ATP8B4: variants seen among roughly 807,000 people sequenced by gnomAD.
ATP8B4 encodes the protein ATPase phospholipid transporting 8B4 (putative).
A neutral mutation model predicts 145.6 loss-of-function variants in ATP8B4; 133 were observed. The ratio of observed to expected loss-of-function variants is 0.91; its 90% CI spans 0.79 to 1.05. The LOEUF is 1.05. ATP8B4 is among the 50% of genes least tolerant of loss of function. ATP8B4 has a pLI of 0.00. For missense variants in ATP8B4, 1,458 were observed against 1,425.2 expected (o/e 1.02, Z -0.37); for synonymous variants, 507 against 492.9 (o/e 1.03, Z -0.38).
At chr15:49,888,186 C>T (rs769521974) in intron 23 of ATP8B4, among the ~76,000 whole-genome samples, 4 of 152,220 alleles carry the variant, frequency 2.6e-5, no homozygotes, top group Non-Finnish European at 5.9e-5. Flanking sequence ...CAGGCCTGAG[C>T]ACTCGTCCAG....
intron 27 of ATP8B4, among the ~76,000 whole-genome samples, chr15:49,861,577 T>C (rs754578334): frequency 6.6e-6 from 1 of 152,196 alleles, no homozygotes; most frequent in Non-Finnish European, 1.5e-5. Flanking sequence ...GACATGGCTA[T>C]GAATGTTTGT....
intron 16 of ATP8B4, among the ~76,000 whole-genome samples, chr15:49,928,813 T>C (rs1177172400): frequency 1.3e-5 from 2 of 151,996 alleles, no homozygotes; most frequent in Non-Finnish European, 2.9e-5. Flanking sequence ...AGGGTGACAA[T>C]AGAATATTCT....
Position 50,024,528 on chromosome 15 carries a change from T to C in ATP8B4, c.363-13611A>G, listed in dbSNP as rs151155959. On this transcript the variant is annotated intron_variant, in intron 6 of 27. Coordinates refer to ENST00000284509, the MANE Select transcript of ATP8B4 (RefSeq NM_024837.4). The stretch of plus-strand genomic sequence containing the variant: ...AGGGGAAAGCATGTAAGAACATAAA[T>C]GCCTGGAAAGGGGCAAGGTAACAGA... Among the ~76,000 whole-genome samples the C allele has an allele frequency of 2.3e-4, 35 of 152,240 alleles. No individual in the cohort carries two copies. In the East Asian group the frequency reaches 6.8e-3, roughly 29 times the overall value.
chr15:49,897,435 T>A lies in ATP8B4; in HGVS notation c.2554A>T (p.Arg852Ter), dbSNP rs759526767. 3.7e-6 allele frequency: 6 copies of A among 1,612,188 alleles called. No individual in the cohort carries two copies. Residue 852 changes from arginine to a stop codon, truncating the protein, a stop_gained, in exon 23 of 28, where the codon AGA becomes TGA. Coordinates refer to ENST00000284509, the MANE Select transcript of ATP8B4 (RefSeq NM_024837.4). LOFTEE classifies it high-confidence loss of function. ...LASDYSFAQF[R>*]YLQRLLLVHG... ...ACAAGGAGAAGCCTTTGGAGATATC[T>A]AAACTGTGCAAATGAATAGTCGCTG...
chr15:49,916,108 G>T (rs1345218529), intron 20 of ATP8B4, among the ~76,000 whole-genome samples: 3 of 151,814 alleles, frequency 2.0e-5, no homozygotes, highest in Admixed American at 2.0e-4. Flanking sequence ...GCTTAGAGAA[G>T]CTACTACAAG....
chr15:50,059,810 A>G (rs1011171927), intron 3 of ATP8B4, among the ~76,000 whole-genome samples: 3 of 152,218 alleles, frequency 2.0e-5, no homozygotes, highest in Admixed American at 2.0e-4. Context: ...AACTGTGCCC[A>G]GTATCCCTCC....
chr15:50,050,514 G>A (rs940905048), intron 3 of ATP8B4, among the ~76,000 whole-genome samples: 1 of 150,710 alleles, frequency 6.6e-6, no homozygotes, highest in African/African-American at 2.4e-5. Context: ...ATTTAATCTT[G>A]AGTATACTAT....
At chr15:49,930,317 A>G (rs1389756418) in intron 16 of ATP8B4, among the ~76,000 whole-genome samples, 1 of 152,000 alleles carries the variant, frequency 6.6e-6, no homozygotes, top group African/African-American at 2.4e-5. Context: ...GAGAAATAGG[A>G]GATGAATTTA....
At chr15:50,096,584 G>A (rs2056002180) in intron 2 of ATP8B4, among the ~76,000 whole-genome samples, 1 of 152,052 alleles carries the variant, frequency 6.6e-6, no homozygotes, top group South Asian at 2.1e-4. Context: ...TAAATACAGG[G>A]TAAATTCTAG....
Position 49,898,080 on chromosome 15 carries a change from T to C in ATP8B4, c.2461A>G (p.Ser821Gly). Residue 821 changes from serine to glycine, a missense_variant, in exon 22 of 28, where the codon AGC becomes GGC. Coordinates refer to ENST00000284509, the MANE Select transcript of ATP8B4 (RefSeq NM_024837.4). The part of the protein sequence containing the change: ...LAIGDGANDV[S>G]MIKSAHIGVG... ...AATATCCTCTTACTTTTAATCATGC[T>C]GACATCATTGGCTCCATCACCAATG... 1 of 1,613,812 alleles carries C rather than the reference T, an allele frequency of 6.2e-7. No homozygotes were observed. Among genetic ancestry groups the C allele is most frequent in the South Asian group, 1.1e-5 (1 of 91,066 alleles).
intron 1 of ATP8B4, among the ~76,000 whole-genome samples, chr15:50,172,133 T>C (rs151313291): frequency 6.0e-4 from 92 of 152,250 alleles, no homozygotes; most frequent in African/African-American, 2.1e-3. Flanking sequence ...CAAAAAAGAA[T>C]TGGTCTCCCT....
At chr15:50,081,419 G>T (rs928437237) in intron 2 of ATP8B4, among the ~76,000 whole-genome samples, 13 of 152,144 alleles carry the variant, frequency 8.5e-5, no homozygotes, top group African/African-American at 2.7e-4. Context: ...TTGCTAATAT[G>T]ATTATTTCCC....
In ATP8B4 at chr15:49,897,597, C is replaced by T. The variant is rs542594472; in HGVS notation, c.2474-82G>A. The T allele has an allele frequency of 3.1e-3, 3,858 of 1,227,434 alleles. 10 individuals carry two copies. Among genetic ancestry groups the T allele is most frequent in the South Asian group, 5.4e-3 (230 of 42,386 alleles). The allele number at this position is 1,227,434 out of a possible 1,614,324, so 76.0% of individuals were successfully genotyped here. ...AAACTTGTCATTCCTCTTTTATTTA[C>T]GGAAAACTTACAGCCATTGCAATTA... On this transcript the variant is annotated intron_variant, in intron 22 of 27. Coordinates refer to ENST00000284509, the MANE Select transcript of ATP8B4 (RefSeq NM_024837.4).
chr15:49,917,075 T>G, intron 19 of ATP8B4, 36 bp from the exon 20 acceptor site: 1 of 1,590,552 alleles, frequency 6.3e-7, no homozygotes, highest in Non-Finnish European at 8.6e-7. Flanking sequence ...GTTAAAATGT[T>G]ACTTAATAAC....
chr15:49,897,384 T>C lies in ATP8B4; in HGVS notation c.2605A>G (p.Met869Val). The C allele has an allele frequency of 6.2e-7, 1 of 1,613,960 alleles. No homozygotes were observed. ...LVHGRWSYFR[M>V]CKFLCYFFYK... is the part of the protein sequence containing the mutation. ...AAGAAATAGCATAAGAATTTGCACA[T>C]TCGGAAATAAGACCACCTTCCATGA... Residue 869 changes from methionine (M) to valine (V), a missense_variant, in exon 23 of 28, where the codon ATG becomes GTG. By Grantham distance (21) the Met-to-Val change is conservative (BLOSUM62 1). Coordinates refer to ENST00000284509, the MANE Select transcript of ATP8B4 (RefSeq NM_024837.4).
chr15:50,045,912 G>A (rs867832153), intron 4 of ATP8B4, among the ~76,000 whole-genome samples: 40 of 152,330 alleles, frequency 2.6e-4, no homozygotes, highest in African/African-American at 7.7e-4. Context: ...GCAACTTCAT[G>A]GGGAGAGGTG....
At chr15:49,959,945 AAG>A (rs1056695269) in intron 14 of ATP8B4, among the ~76,000 whole-genome samples, 2 of 152,172 alleles carry the variant, frequency 1.3e-5, no homozygotes, top group African/African-American at 4.8e-5. Flanking sequence ...CAAAACAGTT[AAG>A]AGAAATCTAG....
chr15:49,940,357 G>T (rs924503257), intron 14 of ATP8B4, among the ~76,000 whole-genome samples: 1 of 152,112 alleles, frequency 6.6e-6, no homozygotes, highest in African/African-American at 2.4e-5. Context: ...GGTACACATA[G>T]TCATAAAGGT....
intron 2 of ATP8B4, among the ~76,000 whole-genome samples, chr15:50,087,947 CTG>C (rs1030311131): frequency 7.2e-5 from 11 of 152,062 alleles, no homozygotes; most frequent in African/African-American, 2.7e-4. Context: ...AATGAAGACA[CTG>C]TGTTGTTTTT....
Sources: allele counts gnomAD v4.1 joint callset (sites outside exome capture counted in the v4.1 genomes callset), GRCh38; gene constraint gnomAD v4.1.1; transcripts MANE v1.5; gene names NCBI Gene and HGNC (gene_info 2026-07-23, HGNC 2026-07-21).